The following ANKS1A variants were observed in gnomAD, a reference collection of about 807,000 sequenced individuals.
ANKS1A encodes ankyrin repeat and SAM domain-containing protein 1A.
In ANKS1A, 55 loss-of-function variants were observed where a neutral mutation model predicts 120.3. The ratio of observed to expected loss-of-function variants is 0.46; its 90% CI spans 0.37 to 0.57. The LOEUF is 0.57. ANKS1A is among the 20% of genes least tolerant of loss of function. The pLI is 0.00. For synonymous variants in ANKS1A, 590 were observed against 604.7 expected, an observed-to-expected ratio of 0.98 and a Z score of 0.36; for missense variants, 1,123 against 1,480.3, an observed-to-expected ratio of 0.76 and a Z score of 3.96.
intron 13 of ANKS1A, among the ~76,000 whole-genome samples, chr6:35,077,634 A>G (rs757167824): frequency 6.6e-6 from 1 of 152,198 alleles, no homozygotes; most frequent in Non-Finnish European, 1.5e-5. Context: ...ATCTGCTCAC[A>G]CTATCTTGTG....
At position 35,090,918 on chromosome 6, in the gene ANKS1A, G is replaced by C; in HGVS notation, c.*2309G>C. 1.0e-6 allele frequency: 1 copy of C among 985,660 alleles called. No individual in the cohort carries two copies. Among genetic ancestry groups the C allele is most frequent in the Non-Finnish European group, 1.2e-6 (1 of 830,034 alleles). 61.1% of individuals were successfully genotyped at this position (985,660 alleles called of 1,614,324 possible). On this transcript the variant is annotated 3_prime_UTR_variant, in exon 24 of 24. Transcript: ENST00000360359. ...ATAAGACCTTCCCGACAGGCTCTGC[G>C]TGTGCAGCTCTCTGCGTCCCTCCTG...
intron 10 of ANKS1A, among the ~76,000 whole-genome samples, chr6:35,009,734 C>G (rs1047435175): frequency 4.6e-5 from 7 of 151,742 alleles, no homozygotes; most frequent in African/African-American, 1.7e-4. Flanking sequence ...GAAACCCCAT[C>G]TCTTCTAAAA....
rs527265595 is a variant in ANKS1A at position 35,086,526 on chromosome 6, T to C, written c.3304-426T>C. The stretch of plus-strand genomic sequence containing the variant: ...TGTGTGTGCTTCAGCCCTCTCTGTT[T>C]TTCTGTTGTGTGTCCTCTCTCCAGA... On this transcript the variant is annotated intron_variant, in intron 22 of 23. Coordinates refer to ENST00000360359, the MANE Select transcript of ANKS1A (RefSeq NM_015245.3). This position sits in a 1 kb window ranked among gnomAD's most constrained non-coding sequence, Gnocchi z 5.1. 1.3e-5 allele frequency among the ~76,000 whole-genome samples: 2 copies of C among 151,900 alleles called. No individual in the cohort carries two copies. Among genetic ancestry groups the C allele is most frequent in the Non-Finnish European group, 2.9e-5 (2 of 67,960 alleles).
At chr6:35,023,584 C>T (rs937560343) in intron 11 of ANKS1A, 1 of 471,006 alleles carries the variant, frequency 2.1e-6, no homozygotes, top group Non-Finnish European at 4.4e-6. Context: ...GAAAGGAGTG[C>T]AGCTGAAACT....
the ANKS1A span, among the ~76,000 whole-genome samples, chr6:35,096,476 T>C: frequency 4.6e-5 from 7 of 152,258 alleles, no homozygotes; most frequent in African/African-American, 1.7e-4. Flanking sequence ...GTGTTTAATC[T>C]GCACACCTGG....
chr6:34,929,774 TC>T (rs1366290490), intron 1 of ANKS1A, among the ~76,000 whole-genome samples: 1 of 126,810 alleles, frequency 7.9e-6, no homozygotes, highest in Non-Finnish European at 1.7e-5. Flanking sequence ...CTCCTTCCCC[TC>T]CCCCTCCCCC....
At chr6:35,046,606 T>G (rs1486150544) in intron 11 of ANKS1A, among the ~76,000 whole-genome samples, 3 of 152,216 alleles carry the variant, frequency 2.0e-5, no homozygotes, top group African/African-American at 7.2e-5. Context: ...CGTGCTTTAT[T>G]GCATCTATCC....
At chr6:34,958,726 G>A (rs1770492626) in intron 1 of ANKS1A, among the ~76,000 whole-genome samples, 1 of 152,166 alleles carries the variant, frequency 6.6e-6, no homozygotes, top group African/African-American at 2.4e-5. Context: ...ACTTGCAGGT[G>A]TCCCACTTTG....
Position 35,060,083 on chromosome 6 carries a change from T to C in ANKS1A, c.2078-64T>C. ...GCAATGCCATCTATCTTCCTCTGAGTGCCGCTGCTACCGCCTTAATGGTTT... is the reference window on the plus strand; with the variant it reads ...GCAATGCCATCTATCTTCCTCTGAGCGCCGCTGCTACCGCCTTAATGGTTT... On this transcript the variant is annotated intron_variant, in intron 12 of 23. Transcript: ENST00000360359. The surrounding 1 kb of genome is among the most constrained non-coding windows in gnomAD (Gnocchi z 4.5). 3 of 1,349,440 alleles carry C rather than the reference T, an allele frequency of 2.2e-6. No homozygotes were observed. The highest frequency in any genetic ancestry group is 2.8e-5 in the African/African-American group (2 of 70,176). 83.6% of individuals were successfully genotyped at this position (1,349,440 alleles called of 1,614,324 possible).
rs1047772531 is a variant in ANKS1A at position 34,889,683 on chromosome 6, C to T, written c.197+84C>T. 1.0e-5 allele frequency: 12 copies of T among 1,197,526 alleles called. No homozygotes were observed. In the African/African-American group the frequency reaches 1.4e-4, roughly 14 times the overall value. The allele number at this position is 1,197,526 out of a possible 1,614,324, so 74.2% of individuals were successfully genotyped here. On this transcript the variant is annotated intron_variant, in intron 1 of 23. Coordinates refer to ENST00000360359, the MANE Select transcript of ANKS1A (RefSeq NM_015245.3). The surrounding 1 kb of genome is among the most constrained non-coding windows in gnomAD (Gnocchi z 5.5). ...TTGGGTCCCCAGAGAGATCGGGGGT[C>T]CTGAGACTCGGGCGGGGTGGGCTTG...
At chr6:35,032,130 A>G (rs777744559) in intron 11 of ANKS1A, among the ~76,000 whole-genome samples, 2 of 152,250 alleles carry the variant, frequency 1.3e-5, no homozygotes, top group African/African-American at 2.4e-5. Context: ...AAATAAAAAT[A>G]TTACCACAAA....
intron 3 of ANKS1A, among the ~76,000 whole-genome samples, chr6:34,981,202 C>T (rs1403750966): frequency 6.6e-6 from 1 of 152,106 alleles, no homozygotes; most frequent in Non-Finnish European, 1.5e-5. Context: ...GATTTGCATG[C>T]AAGAAGCTGT....
chr6:34,970,318 C>T, intron 3 of ANKS1A, 152 bp downstream of exon 3: 1 of 813,722 alleles, frequency 1.2e-6, no homozygotes, highest in Non-Finnish European at 1.9e-6. Context: ...GGAACCACCT[C>T]TTCCATACCC....
At chr6:34,935,851 A>G (rs1403665347) in intron 1 of ANKS1A, among the ~76,000 whole-genome samples, 1 of 151,756 alleles carries the variant, frequency 6.6e-6, no homozygotes, top group African/African-American at 2.4e-5. Flanking sequence ...TCACGAGGTC[A>G]GGAGATCGAG....
intron 1 of ANKS1A, among the ~76,000 whole-genome samples, chr6:34,952,491 A>C (rs1281988836): frequency 6.6e-6 from 1 of 152,208 alleles, no homozygotes; most frequent in Non-Finnish European, 1.5e-5. Context: ...TAATTAAGCT[A>C]AGCCTCTGGA....
At chr6:34,930,464 C>CTG (rs1768926251) in intron 1 of ANKS1A, among the ~76,000 whole-genome samples, 1 of 152,152 alleles carries the variant, frequency 6.6e-6, no homozygotes, top group Admixed American at 6.5e-5. Context: ...TGCACATTCC[C>CTG]TGTGTGTGTG....
intron 13 of ANKS1A, among the ~76,000 whole-genome samples, chr6:35,065,808 A>T (rs1043005343): frequency 2.0e-4 from 30 of 152,208 alleles, no homozygotes; most frequent in Non-Finnish European, 4.0e-4. Flanking sequence ...CTGAGAAAGG[A>T]GCTGGCAAGG....
Position 35,088,684 on chromosome 6 carries a change from G to A in ANKS1A, c.*75G>A, listed in dbSNP as rs1339164715. 18 of 1,613,126 alleles carry A rather than the reference G, an allele frequency of 1.1e-5. 1 individual carries two copies. The highest frequency in any genetic ancestry group is 3.3e-4 in the Middle Eastern group (2 of 6,056). On this transcript the variant is annotated 3_prime_UTR_variant, in exon 24 of 24. Coordinates refer to ENST00000360359, the MANE Select transcript of ANKS1A (RefSeq NM_015245.3). The stretch of plus-strand genomic sequence containing the variant: ...GGCTCCCACTGCCACCACCGCCATC[G>A]CCTCACCTGCAGCTCTGAAGACCCA...
chr6:35,054,832 C>T (rs574789090), intron 12 of ANKS1A, among the ~76,000 whole-genome samples: 3 of 152,284 alleles, frequency 2.0e-5, no homozygotes, highest in Non-Finnish European at 2.9e-5. Context: ...CTTTCTCAGG[C>T]GAGATGCTCT....
Sources: gnomAD v4.1 joint callset for allele counts (sites outside exome capture counted in the v4.1 genomes callset) on GRCh38, gnomAD v4.1.1 for gene constraint, Gnocchi (gnomAD v3.1) non-coding constraint, MANE v1.5 for transcripts, NCBI Gene and HGNC (gene_info 2026-07-23, HGNC 2026-07-21) for gene names.